The following MYRFL variants were observed in gnomAD, a reference collection of about 807,000 sequenced individuals.
MYRFL encodes myelin regulatory factor like.
A neutral mutation model predicts 109.4 loss-of-function variants in MYRFL; 88 were observed. That is an observed-to-expected ratio of 0.80 (90% CI 0.68 to 0.96). MYRFL has a LOEUF of 0.96. Ranked by LOEUF, MYRFL falls within the 40% of genes least tolerant of loss-of-function variation. The pLI, the probability that MYRFL is intolerant of heterozygous loss-of-function variation, is 0.00. For synonymous variants in MYRFL, 324 were observed against 320.9 expected (o/e 1.01, Z -0.10); for missense variants, 957 against 954.9 (o/e 1.00, Z -0.03).
At chr12:69,840,357 T>A (rs939101889) in intron 1 of MYRFL, among the ~76,000 whole-genome samples, 1 of 152,230 alleles carries the variant, frequency 6.6e-6, no homozygotes, top group African/African-American at 2.4e-5. Context: ...ACAGTTATTC[T>A]CCCAGGTACA....
At chr12:69,862,867 T>G in intron 2 of MYRFL, among the ~76,000 whole-genome samples, 1 of 152,142 alleles carries the variant, frequency 6.6e-6, no homozygotes, top group African/African-American at 2.4e-5. Context: ...GCCCATTCAG[T>G]ATGATATTGG....
chr12:69,900,550 A>G (rs1954147812), intron 10 of MYRFL, among the ~76,000 whole-genome samples: 1 of 152,180 alleles, frequency 6.6e-6, no homozygotes. Flanking sequence ...GGAGATGCTG[A>G]TATTGCTAGC....
intron 19 of MYRFL, among the ~76,000 whole-genome samples, chr12:69,938,829 GGTGCGCGCACC>G (rs1206495648): frequency 6.6e-6 from 1 of 152,120 alleles, no homozygotes; most frequent in East Asian, 1.9e-4. Context: ...CAGGTCAGTG[GGTGCGCGCACC>G]GTGCGCGAGC....
At chr12:69,883,216 T>C (rs1010974804) in intron 5 of MYRFL, among the ~76,000 whole-genome samples, 3 of 152,304 alleles carry the variant, frequency 2.0e-5, no homozygotes, top group African/African-American at 7.2e-5. Context: ...TTCAGGTCTT[T>C]GAAAGTCAGT....
chr12:69,938,450 G>A (rs1209252136), intron 19 of MYRFL, among the ~76,000 whole-genome samples: 2 of 152,126 alleles, frequency 1.3e-5, no homozygotes, highest in Non-Finnish European at 2.9e-5. Context: ...GAAGTAACCA[G>A]CTGTTCACAT....
At position 69,897,168 on chromosome 12, in the gene MYRFL, G is replaced by A; in HGVS notation, c.1104G>A (p.Leu368=). Residue 368 remains leucine (L), a synonymous_variant, in exon 10 of 25, where the codon TTG becomes TTA. Coordinates refer to ENST00000552032, the MANE Select transcript of MYRFL (RefSeq NM_182530.3). ...GTCTCTGAATTAGATACTTCATGTT[G>A]GTGGTTGGACTGTATGCTGCTAACC... ...KPNPDQRYFM[L]VVGLYAANQD... is the part of the protein sequence containing the mutation. 3.9e-6 allele frequency: 6 copies of A among 1,535,318 alleles called. No homozygotes were observed. Among genetic ancestry groups the A allele is most frequent in the Non-Finnish European group, 5.2e-6 (6 of 1,146,258 alleles).
chr12:69,879,919 A>G (rs974232619), intron 4 of MYRFL, among the ~76,000 whole-genome samples: 1 of 152,184 alleles, frequency 6.6e-6, no homozygotes, highest in Non-Finnish European at 1.5e-5. Context: ...CCACATGAAA[A>G]AAGTTGTCGG....
intron 1 of MYRFL, among the ~76,000 whole-genome samples, chr12:69,836,791 G>A (rs1157529469): frequency 6.6e-6 from 1 of 152,154 alleles, no homozygotes; most frequent in African/African-American, 2.4e-5. Context: ...TTTACTGGTG[G>A]TGAGGAGGTC....
chr12:69,873,227 T>C (rs1428497444), intron 2 of MYRFL, among the ~76,000 whole-genome samples: 1 of 152,116 alleles, frequency 6.6e-6, no homozygotes, highest in Non-Finnish European at 1.5e-5. Context: ...TACACGAAGA[T>C]TAATGATAGA....
intron 19 of MYRFL, among the ~76,000 whole-genome samples, chr12:69,945,188 A>T (rs1955796312): frequency 2.0e-5 from 3 of 152,164 alleles, no homozygotes; most frequent in African/African-American, 7.2e-5. Flanking sequence ...AAGAAAGAAA[A>T]TTTTAAAAAT....
rs1216477836 is a variant in MYRFL, at chr12:69,879,468, A to G, written c.464+15A>G. 1.4e-6 allele frequency: 1 copy of G among 696,484 alleles called. No individual in the cohort carries two copies. The highest frequency in any genetic ancestry group is 2.6e-6 in the Non-Finnish European group (1 of 381,116). The allele number at this position is 696,484 out of a possible 1,614,324, so 43.1% of individuals were successfully genotyped here. A position where few individuals can be genotyped will look rare whatever the true frequency, so the allele number is the denominator to read the frequency against. On this transcript the variant is annotated intron_variant, in intron 4 of 24. Transcript: ENST00000552032. ...CACAGCCCTGGGTAAAGAAAAAGAT[A>G]TTTAGTTATCAAAGACCTTTGCGGA...
Position 69,894,579 on chromosome 12 carries a change from G to C in MYRFL, c.980+739G>C, listed in dbSNP as rs1251901677. 3.3e-5 allele frequency among the ~76,000 whole-genome samples: 5 copies of C among 152,184 alleles called. No homozygotes were observed. The East Asian group carries it at 9.6e-4, about 29-fold the overall frequency. On this transcript the variant is annotated intron_variant, in intron 8 of 24. Coordinates refer to ENST00000552032, the MANE Select transcript of MYRFL (RefSeq NM_182530.3). ...AGATTGTATATCCATGCTGTACTTA[G>C]AAGTCATTTTTCCTTATTCTTTAAA...
intron 2 of MYRFL, among the ~76,000 whole-genome samples, chr12:69,865,043 C>A (rs929833697): frequency 1.3e-5 from 2 of 152,190 alleles, no homozygotes; most frequent in African/African-American, 4.8e-5. Context: ...CATCAAAGAG[C>A]TGTCTTTTAC....
At position 69,903,682 on chromosome 12, in the gene MYRFL, A is replaced by C; in HGVS notation, c.1221A>C (p.Ala407=). 3.9e-6 allele frequency: 6 copies of C among 1,535,890 alleles called. No homozygotes were observed. The highest frequency in any genetic ancestry group is 3.5e-6 in the Non-Finnish European group (4 of 1,146,714). Residue 407 remains alanine, a synonymous_variant, in exon 11 of 25, where the codon GCA becomes GCC. Coordinates refer to ENST00000552032, the MANE Select transcript of MYRFL (RefSeq NM_182530.3). ...NPGQFENDSD[A]LWQRGQVPES... ...GGCAGTTTGAAAATGACAGTGATGC[A>C]TTGTGGCAGCGAGGACAAGTTCCAG...
chr12:69,881,753 T>C (rs926794045), intron 5 of MYRFL, among the ~76,000 whole-genome samples: 28 of 152,102 alleles, frequency 1.8e-4, no homozygotes, highest in Non-Finnish European at 3.4e-4. Flanking sequence ...TTGTTCACCA[T>C]TTTTTTTCCA....
At chr12:69,837,180 G>C (rs1039525818) in intron 1 of MYRFL, among the ~76,000 whole-genome samples, 4 of 152,196 alleles carry the variant, frequency 2.6e-5, no homozygotes, top group African/African-American at 9.6e-5. Context: ...CCAGAGGGAA[G>C]AGCAGGGAAA....
intron 16 of MYRFL, 130 bp from the exon 17 acceptor site, chr12:69,935,983 C>G: frequency 1.8e-6 from 2 of 1,108,408 alleles, no homozygotes; most frequent in Non-Finnish European, 1.2e-6. Context: ...CGTGGCCATC[C>G]CCTCCCCCCT....
At chr12:69,940,751 G>A (rs1482708829) in intron 19 of MYRFL, among the ~76,000 whole-genome samples, 5 of 144,658 alleles carry the variant, frequency 3.5e-5, no homozygotes, top group Non-Finnish European at 7.6e-5. Flanking sequence ...ATTGGATAAA[G>A]AGTCAAGACC....
intron 22 of MYRFL, among the ~76,000 whole-genome samples, chr12:69,955,696 A>T (rs997266957): frequency 1.3e-5 from 2 of 152,122 alleles, no homozygotes; most frequent in African/African-American, 4.8e-5. Flanking sequence ...TTGGTTTGAT[A>T]CTCATAAGCT....
Sources: gnomAD v4.1 joint callset for allele counts (sites outside exome capture counted in the v4.1 genomes callset) on GRCh38, gnomAD v4.1.1 for gene constraint, MANE v1.5 for transcripts, NCBI Gene and HGNC (gene_info 2026-07-23, HGNC 2026-07-21) for gene names.